PNKD: variants seen among roughly 807,000 people sequenced by gnomAD.
The protein encoded by PNKD is PNKD metallo-beta-lactamase domain containing, also known as probable thioesterase PNKD.
PNKD carries 36 observed loss-of-function variants against 45.3 expected under a neutral mutation model. That is an observed-to-expected ratio of 0.80 (90% CI 0.61 to 1.05). The LOEUF (loss-of-function observed/expected upper bound fraction) is 1.05, where lower values mean the gene tolerates loss of function less well. Ranked by LOEUF, PNKD falls within the 50% of genes least tolerant of loss-of-function variation. The pLI is 0.00. For missense variants in PNKD, 511 were observed against 506.6 expected (o/e 1.01, Z -0.08); for synonymous variants, 197 against 210.1 (o/e 0.94, Z 0.54).
At chr2:218,315,205 G>T (rs1035163567) in intron 2 of PNKD, among the ~76,000 whole-genome samples, 1 of 150,044 alleles carries the variant, frequency 6.7e-6, no homozygotes, top group African/African-American at 2.5e-5. Context: ...GCAGTGGCGT[G>T]ATCTCAGCTC....
intron 2 of PNKD, chr2:218,316,618 G>A (rs968032992): frequency 6.6e-6 from 1 of 152,158 alleles, no homozygotes; most frequent in Non-Finnish European, 1.5e-5. Flanking sequence ...CTTAGGCTGA[G>A]GAAAATTGCA....
chr2:218,309,121 T>C (rs1272398432), intron 2 of PNKD, among the ~76,000 whole-genome samples: 2 of 151,718 alleles, frequency 1.3e-5, no homozygotes, highest in African/African-American at 4.8e-5. Context: ...CACCACGGCC[T>C]CCCAAGTAGC....
intron 2 of PNKD, chr2:218,278,302 C>G: frequency 1.6e-6 from 1 of 619,992 alleles, no homozygotes; most frequent in South Asian, 2.0e-5. Flanking sequence ...TGCTACCTGT[C>G]TTGCAGGGTT....
At chr2:218,315,036 C>CTTTCTTTCTT (rs1559521223) in intron 2 of PNKD, among the ~76,000 whole-genome samples, 3 of 6,602 alleles carry the variant, frequency 4.5e-4, no homozygotes, top group Non-Finnish European at 1.4e-3. Context: ...TTCTTTCTTT[C>CTTTCTTTCTT]TTTTTCTTTC....
intron 2 of PNKD, among the ~76,000 whole-genome samples, chr2:218,289,625 G>GAAAAAAAAA (rs10675061): frequency 1.1e-5 from 1 of 87,764 alleles, no homozygotes. Context: ...CTGGGCGACA[G>GAAAAAAAAA]AAAAAAAAAA....
chr2:218,282,996 C>T (rs1692186521), intron 2 of PNKD, among the ~76,000 whole-genome samples: 2 of 152,190 alleles, frequency 1.3e-5, no homozygotes, highest in East Asian at 1.9e-4. Flanking sequence ...TCGCCCTCCC[C>T]CTTACCCCCA....
intron 2 of PNKD, among the ~76,000 whole-genome samples, chr2:218,338,634 T>C (rs1694570458): frequency 6.6e-6 from 1 of 151,290 alleles, no homozygotes; most frequent in Admixed American, 6.6e-5. Flanking sequence ...CAGGTGCCCA[T>C]CACCACACCC....
intron 2 of PNKD, among the ~76,000 whole-genome samples, chr2:218,312,577 A>G (rs1398605782): frequency 2.0e-5 from 3 of 151,220 alleles, no homozygotes; most frequent in Non-Finnish European, 4.4e-5. Context: ...AAAAAAAAAA[A>G]AAAAGAAAAC....
intron 2 of PNKD, chr2:218,282,268 T>A (rs1692100506): frequency 1.3e-6 from 1 of 779,096 alleles, no homozygotes; most frequent in South Asian, 2.2e-5. Context: ...TTGTCCAGGC[T>A]GCCTCCGTGG....
Position 218,341,491 on chromosome 2 carries a change from A to G in PNKD, c.525-43A>G, listed in dbSNP as rs560312095. ...GTGGTAAAGAAGGGGGCTTAGGTAC[A>G]GTTGCCCCTCGAAGCCCCCTGCCTG... On this transcript the variant is annotated intron_variant, in intron 5 of 9. Transcript: ENST00000273077. 5 of 1,285,044 alleles carry G rather than the reference A, an allele frequency of 3.9e-6. No homozygotes were observed. The African/African-American group carries it at 7.3e-5, about 19-fold the overall frequency. The allele number at this position is 1,285,044 out of a possible 1,614,324, so 79.6% of individuals were successfully genotyped here. A position where few individuals can be genotyped will look rare whatever the true frequency, so the allele number is the denominator to read the frequency against.
At chr2:218,332,346 G>A (rs561809453) in intron 2 of PNKD, among the ~76,000 whole-genome samples, 16 of 152,254 alleles carry the variant, frequency 1.1e-4, no homozygotes, top group Non-Finnish European at 2.4e-4. Flanking sequence ...ATGCAACTGC[G>A]AGGACAGGGG....
intron 2 of PNKD, among the ~76,000 whole-genome samples, chr2:218,294,490 C>A (rs575185647): frequency 4.6e-5 from 7 of 152,300 alleles, no homozygotes; most frequent in African/African-American, 1.4e-4. Context: ...CACCGCCCCC[C>A]CACCAGCCTT....
chr2:218,322,691 G>A (rs978968458), intron 2 of PNKD, among the ~76,000 whole-genome samples: 3 of 152,166 alleles, frequency 2.0e-5, no homozygotes, highest in Non-Finnish European at 2.9e-5. Context: ...TGCATAAACA[G>A]ATATAATTTT....
chr2:218,300,837 G>T (rs1693252633), intron 2 of PNKD, among the ~76,000 whole-genome samples: 1 of 152,104 alleles, frequency 6.6e-6, no homozygotes, highest in Non-Finnish European at 1.5e-5. Context: ...GCACCACCAC[G>T]CCTGGCCATA....
Position 218,341,542 on chromosome 2 carries a change from G to A in PNKD, c.533G>A (p.Ser178Asn), listed in dbSNP as rs147885219. 6 of 1,598,990 alleles carry A rather than the reference G, an allele frequency of 3.8e-6. No homozygotes were observed. The East Asian group carries it at 1.4e-4, about 36-fold the overall frequency. ...TCTCTGCTGTCCTGCAGGGACCACA[G>A]TGGAGGGAACCGTGACCTCAGCCGG... ...ILCTHKHWDH[S>N]GGNRDLSRRH... Residue 178 changes from serine to asparagine, a missense_variant, in exon 6 of 10, where the codon AGT (serine) becomes AAT (asparagine). Transcript: ENST00000273077.
chr2:218,319,496 C>T (rs1693925374), intron 2 of PNKD, among the ~76,000 whole-genome samples: 1 of 151,562 alleles, frequency 6.6e-6, no homozygotes, highest in Non-Finnish European at 1.5e-5. Flanking sequence ...CTGCCTCAGC[C>T]TCCTGAGTAG....
intron 6 of PNKD, 141 bp downstream of exon 6, chr2:218,341,767 A>T: frequency 2.6e-6 from 2 of 780,846 alleles, no homozygotes; most frequent in East Asian, 5.4e-5. Context: ...CTATCTGAAG[A>T]CTGGCACTGC....
intron 2 of PNKD, among the ~76,000 whole-genome samples, chr2:218,331,818 G>A (rs1032332812): frequency 6.6e-6 from 1 of 152,196 alleles, no homozygotes; most frequent in Admixed American, 6.5e-5. Flanking sequence ...TCTGTGGTAT[G>A]TCTCAGCATA....
chr2:218,320,917 AG>A (rs1693969434), intron 2 of PNKD, among the ~76,000 whole-genome samples: 2 of 152,232 alleles, frequency 1.3e-5, no homozygotes, highest in African/African-American at 4.8e-5. Flanking sequence ...AGCAGACATT[AG>A]AAGTCTTCCA....
Sources: allele counts gnomAD v4.1 joint callset (sites outside exome capture counted in the v4.1 genomes callset), GRCh38; gene constraint gnomAD v4.1.1; transcripts MANE v1.5; gene names NCBI Gene and HGNC (gene_info 2026-07-23, HGNC 2026-07-21).